Variants in CNTLN observed in about 807,000 individuals in gnomAD.
CNTLN encodes centlein, centrosomal protein.
In CNTLN, 212 loss-of-function variants were observed where a neutral mutation model predicts 180.0. That is an observed-to-expected ratio of 1.18 (90% CI 1.05 to 1.32). The LOEUF (loss-of-function observed/expected upper bound fraction) is 1.32, where lower values mean the gene tolerates loss of function less well. Ranked by LOEUF, CNTLN falls within the 40% of genes most tolerant of loss-of-function variation. The pLI, the probability that CNTLN is intolerant of heterozygous loss-of-function variation, is 0.00. For synonymous variants in CNTLN, 722 were observed against 563.1 expected, an observed-to-expected ratio of 1.28 and a Z score of -3.99; for missense variants, 2,095 against 1,610.9, an observed-to-expected ratio of 1.30 and a Z score of -5.14.
intron 2 of CNTLN, among the ~76,000 whole-genome samples, chr9:17,154,896 C>T (rs140187372): frequency 6.6e-6 from 1 of 152,180 alleles, no homozygotes; most frequent in Non-Finnish European, 1.5e-5. Flanking sequence ...AAGCTGTGTT[C>T]TTTTGCTCTT....
chr9:17,499,393 C>A (rs2134411432), intron 25 of CNTLN, among the ~76,000 whole-genome samples: 1 of 152,274 alleles, frequency 6.6e-6, no homozygotes, highest in East Asian at 1.9e-4. Context: ...CACTCTTAGC[C>A]ATTTTTATAA....
chr9:17,358,380 C>G (rs945562301), intron 12 of CNTLN, among the ~76,000 whole-genome samples: 1 of 151,974 alleles, frequency 6.6e-6, no homozygotes, highest in Non-Finnish European at 1.5e-5. Context: ...AGTATATATA[C>G]TATGATATAA....
At chr9:17,423,374 G>A (rs1010299552) in intron 18 of CNTLN, among the ~76,000 whole-genome samples, 2 of 152,120 alleles carry the variant, frequency 1.3e-5, no homozygotes, top group Non-Finnish European at 2.9e-5. Context: ...CCTGGAATCT[G>A]GGGCTTCAGA....
intron 5 of CNTLN, among the ~76,000 whole-genome samples, chr9:17,239,756 A>G (rs1825375819): frequency 1.3e-5 from 2 of 152,134 alleles, no homozygotes; most frequent in Admixed American, 6.5e-5. Context: ...TCTTGATACC[A>G]TTATTGAATA....
At chr9:17,216,951 C>G (rs1156384231) in intron 2 of CNTLN, among the ~76,000 whole-genome samples, 1 of 152,202 alleles carries the variant, frequency 6.6e-6, no homozygotes, top group Non-Finnish European at 1.5e-5. Context: ...TTGCTGAGCA[C>G]TTTTCGTGTT....
chr9:17,399,978 C>T (rs760948559), intron 15 of CNTLN, among the ~76,000 whole-genome samples: 17 of 152,104 alleles, frequency 1.1e-4, no homozygotes, highest in Non-Finnish European at 1.6e-4. Context: ...TTCTTCGGGT[C>T]CTCATTTCCT....
chr9:17,476,444 A>G (rs368365965), intron 23 of CNTLN, among the ~76,000 whole-genome samples: 1 of 152,214 alleles, frequency 6.6e-6, no homozygotes, highest in African/African-American at 2.4e-5. Flanking sequence ...CTTAGTGAGG[A>G]AGGCATGTCA....
chr9:17,298,343 A>G lies in CNTLN; in HGVS notation c.1137A>G (p.Ser379=), dbSNP rs1224635570. The change falls in exon 7 of 26, where the codon TCA becomes TCG. Residue 379 remains serine (S), a synonymous_variant. Coordinates refer to ENST00000380647, the MANE Select transcript of CNTLN (RefSeq NM_017738.4). ...ATGTTCACACAGCTGAAAGTATATC[A>G]TATCAAAAAGTATGCTTTTATTCTG... The part of the protein sequence containing the change: ...QEDVHTAESI[S]YQKLYNELHI... The G allele has an allele frequency of 3.7e-6, 6 of 1,610,136 alleles. No homozygotes were observed. In the Admixed American group the frequency reaches 8.5e-5, roughly 23 times the overall value.
chr9:17,298,292 A>T lies in CNTLN; in HGVS notation c.1086A>T (p.Thr362=), dbSNP rs980279914. ...IQQLQVLNMD[T]QKVLRNQEDV... is the part of the protein sequence containing the mutation. ...AGCTTCAGGTTCTCAATATGGACAC[A>T]CAAAAAGTACTGAGAAATCAGGAAG... Residue 362 remains threonine (T), a synonymous_variant, in exon 7 of 26, where the codon ACA becomes ACT. Transcript: ENST00000380647. The T allele has an allele frequency of 6.2e-7, 1 of 1,613,596 alleles. No individual in the cohort carries two copies. The highest frequency in any genetic ancestry group is 1.3e-5 in the African/African-American group (1 of 74,926).
intron 12 of CNTLN, among the ~76,000 whole-genome samples, chr9:17,354,950 T>G (rs1270508337): frequency 8.6e-5 from 13 of 151,712 alleles, no homozygotes; most frequent in African/African-American, 3.1e-4. Context: ...AAGGAACAAC[T>G]CCAGACACGC....
At chr9:17,240,024 T>G (rs1214563544) in intron 5 of CNTLN, among the ~76,000 whole-genome samples, 3 of 152,176 alleles carry the variant, frequency 2.0e-5, no homozygotes, top group African/African-American at 4.8e-5. Context: ...TAATAGAGAT[T>G]GCCTTGAATC....
At chr9:17,264,158 A>G (rs1827223277) in intron 5 of CNTLN, among the ~76,000 whole-genome samples, 1 of 143,604 alleles carries the variant, frequency 7.0e-6, no homozygotes, top group African/African-American at 2.7e-5. Context: ...GTTTTCTTCT[A>G]GGGTTTTTAT....
chr9:17,382,072 A>G (rs986212138), intron 13 of CNTLN, among the ~76,000 whole-genome samples: 2 of 152,196 alleles, frequency 1.3e-5, no homozygotes, highest in African/African-American at 4.8e-5. Context: ...ATAATCTACC[A>G]TAGTATGATA....
At chr9:17,444,529 A>G (rs1233394574) in intron 18 of CNTLN, among the ~76,000 whole-genome samples, 1 of 152,176 alleles carries the variant, frequency 6.6e-6, no homozygotes, top group African/African-American at 2.4e-5. Context: ...GTGGCACTCA[A>G]AAGTGCCCCA....
intron 13 of CNTLN, among the ~76,000 whole-genome samples, chr9:17,373,743 A>G (rs1408141207): frequency 6.6e-6 from 1 of 152,182 alleles, no homozygotes; most frequent in East Asian, 1.9e-4. Flanking sequence ...ATAAAGCTAC[A>G]GTAACTAAAA....
intron 15 of CNTLN, among the ~76,000 whole-genome samples, chr9:17,405,342 A>G (rs956658004): frequency 1.3e-5 from 2 of 151,682 alleles, no homozygotes; most frequent in African/African-American, 4.9e-5. Flanking sequence ...AATACCACAG[A>G]CTGGATAACT....
chr9:17,249,345 GTTTTTTTTGTT>G (rs1395358760), intron 5 of CNTLN, among the ~76,000 whole-genome samples: 1 of 124,914 alleles, frequency 8.0e-6, no homozygotes. Flanking sequence ...TTCTTTGATT[GTTTTTTTTGTT>G]TTTTTTTTTT....
intron 18 of CNTLN, among the ~76,000 whole-genome samples, chr9:17,438,429 T>G (rs936515016): frequency 6.6e-6 from 1 of 152,120 alleles, no homozygotes; most frequent in African/African-American, 2.4e-5. Flanking sequence ...AAAGAGGTAT[T>G]TAAGATATTT....
intron 13 of CNTLN, among the ~76,000 whole-genome samples, chr9:17,374,920 A>G (rs1824629261): frequency 6.6e-6 from 1 of 152,130 alleles, no homozygotes; most frequent in Non-Finnish European, 1.5e-5. Flanking sequence ...ACTGCTAGTT[A>G]TATACCCAAA....
Sources: allele counts gnomAD v4.1 joint callset (sites outside exome capture counted in the v4.1 genomes callset), GRCh38; gene constraint gnomAD v4.1.1; transcripts MANE v1.5; gene names NCBI Gene and HGNC (gene_info 2026-07-23, HGNC 2026-07-21).